OR10J1: variants seen among roughly 807,000 people sequenced by gnomAD.
The protein encoded by OR10J1 is olfactory receptor 10J1.
For synonymous variants in OR10J1, 202 were observed against 143.8 expected (o/e 1.40, Z -2.89); for missense variants, 474 against 376.6 (o/e 1.26, Z -2.14).
At chr1:159,403,692 G>A in the OR10J1 span, among the ~76,000 whole-genome samples, 3 of 152,220 alleles carry the variant, frequency 2.0e-5, no homozygotes, top group South Asian at 6.2e-4. Context: ...CAACCATTAT[G>A]GAGAACTTTT....
At chr1:159,420,619 A>C in the OR10J1 span, among the ~76,000 whole-genome samples, 16,708 of 151,996 alleles carry the variant, frequency 0.11, 1,155 homozygotes, top group Admixed American at 0.15. Flanking sequence ...AAATTTGCTT[A>C]TTTGGAGAGG....
chr1:159,415,330 C>T, the OR10J1 span, among the ~76,000 whole-genome samples: 4 of 152,024 alleles, frequency 2.6e-5, no homozygotes, highest in Non-Finnish European at 5.9e-5. Context: ...AGAAGGTATC[C>T]TTTTCCCAAT....
At chr1:159,406,311 G>C in the OR10J1 span, 1 of 506,282 alleles carries the variant, frequency 2.0e-6, no homozygotes, top group Non-Finnish European at 4.0e-6. Context: ...GTCACCTGAA[G>C]CTGGAGAAAC....
chr1:159,409,746 T>C, the OR10J1 span, among the ~76,000 whole-genome samples: 3 of 151,732 alleles, frequency 2.0e-5, no homozygotes, highest in Admixed American at 6.6e-5. Flanking sequence ...TGAATAGGAG[T>C]GGTGAGAGAG....
chr1:159,415,162 G>T, the OR10J1 span, among the ~76,000 whole-genome samples: 2 of 151,890 alleles, frequency 1.3e-5, no homozygotes, highest in Non-Finnish European at 2.9e-5. Flanking sequence ...TATTCTGAAG[G>T]GTTTTCCCTA....
the OR10J1 span, among the ~76,000 whole-genome samples, chr1:159,411,295 G>A: frequency 1.3e-5 from 2 of 152,046 alleles, no homozygotes; most frequent in Admixed American, 1.3e-4. Flanking sequence ...GTTGACAGTG[G>A]AGTGTTAAAG....
upstream of OR10J1, chr1:159,438,028 G>A (rs1655789540): frequency 6.6e-6 from 1 of 152,344 alleles, no homozygotes; most frequent in African/African-American, 2.4e-5. Flanking sequence ...TTGTGCCTCA[G>A]TGCTAAGCAG....
At chr1:159,402,052 A>G in the OR10J1 span, among the ~76,000 whole-genome samples, 1 of 152,072 alleles carries the variant, frequency 6.6e-6, no homozygotes, top group Non-Finnish European at 1.5e-5. Context: ...ACATCCCTTC[A>G]TGATAAAACC....
At chr1:159,421,238 TTC>T in the OR10J1 span, among the ~76,000 whole-genome samples, 153 of 152,038 alleles carry the variant, frequency 1.0e-3, no homozygotes, top group Non-Finnish European at 1.7e-3. Flanking sequence ...ATTTTAGAAT[TTC>T]TGTTAGGTTC....
upstream of OR10J1, among the ~76,000 whole-genome samples, chr1:159,439,010 T>G (rs1655822284): frequency 6.6e-6 from 1 of 152,190 alleles, no homozygotes; most frequent in Non-Finnish European, 1.5e-5. Context: ...GCTATAAATT[T>G]GCCTTCTAGT....
chr1:159,405,792 G>T, the OR10J1 span: 1 of 1,351,530 alleles, frequency 7.4e-7, no homozygotes, highest in South Asian at 1.2e-5. Context: ...TTATCTCATT[G>T]ACAGTGGTGT....
Position 159,440,460 on chromosome 1 carries a change from A to T in OR10J1, c.669A>T (p.Thr223=), listed in dbSNP as rs755701764. The change falls in exon 1 of 1, where the codon ACA becomes ACT. Residue 223 remains threonine, a synonymous_variant. Transcript: ENST00000423932. ...TTTCTTATGTTCTCATTATCTCTACAATCCTCAAGATTGCTTCAGTTGAGG... is the reference window on the plus strand; with the variant it reads ...TTTCTTATGTTCTCATTATCTCTACTATCCTCAAGATTGCTTCAGTTGAGG... ...VFISYVLIIS[T]ILKIASVEGR... The T allele has an allele frequency of 5.0e-6, 8 of 1,613,896 alleles. No individual in the cohort carries two copies. The Admixed American group carries it at 1.3e-4, about 27-fold the overall frequency.
chr1:159,424,537 C>T, the OR10J1 span, among the ~76,000 whole-genome samples: 2 of 150,660 alleles, frequency 1.3e-5, no homozygotes, highest in Admixed American at 1.3e-4. Flanking sequence ...TGTGTATGCA[C>T]ACATGTTTAA....
the OR10J1 span, among the ~76,000 whole-genome samples, chr1:159,407,856 G>T: frequency 6.6e-6 from 1 of 152,062 alleles, no homozygotes; most frequent in Non-Finnish European, 1.5e-5. Context: ...ATTATTTACT[G>T]AGTGAATAAA....
chr1:159,403,708 G>T, the OR10J1 span, among the ~76,000 whole-genome samples: 3 of 152,070 alleles, frequency 2.0e-5, no homozygotes, highest in Non-Finnish European at 4.4e-5. Context: ...CTTTTTGGAG[G>T]TTCCTCAAAA....
At chr1:159,435,337 G>T (rs1283698794), upstream of OR10J1, among the ~76,000 whole-genome samples, 1 of 152,132 alleles carries the variant, frequency 6.6e-6, no homozygotes, top group Non-Finnish European at 1.5e-5. Context: ...CAGGGTTCCT[G>T]TGTGCATCAA....
rs1378446164 is a variant in OR10J1 at position 159,440,035 on chromosome 1, C to A, written c.244C>A (p.Leu82Ile). ...TACATTGGTCATTCTCCCAAGAATG[C>A]TCTCCAGCCTCGTAGGTATGAGCCA... ...VYTLVILPRM[L>I]SSLVGMSQPI... The change falls in exon 1 of 1, where the codon CTC becomes ATC. Residue 82 changes from leucine (L) to isoleucine (I), a missense_variant. Coordinates refer to ENST00000423932, the MANE Select transcript of OR10J1 (RefSeq NM_012351.3). 6.2e-7 allele frequency: 1 copy of A among 1,614,012 alleles called. No individual in the cohort carries two copies. Among genetic ancestry groups the A allele is most frequent in the South Asian group, 1.1e-5 (1 of 91,086 alleles).
chr1:159,423,663 G>A, the OR10J1 span, among the ~76,000 whole-genome samples: 14 of 152,192 alleles, frequency 9.2e-5, no homozygotes, highest in East Asian at 7.7e-4. Context: ...CAAACCATGC[G>A]GAGAGACTTT....
chr1:159,418,482 G>A, the OR10J1 span, among the ~76,000 whole-genome samples: 1 of 152,220 alleles, frequency 6.6e-6, no homozygotes, highest in Non-Finnish European at 1.5e-5. Flanking sequence ...GCCATGTGGT[G>A]TCGAGCCTGC....
Sources: gnomAD v4.1 joint callset for allele counts (sites outside exome capture counted in the v4.1 genomes callset) on GRCh38, gnomAD v4.1.1 for gene constraint, MANE v1.5 for transcripts, NCBI Gene and HGNC (gene_info 2026-07-23, HGNC 2026-07-21) for gene names.